FLT1: variants seen among roughly 807,000 people sequenced by gnomAD.
FLT1 encodes fms related receptor tyrosine kinase 1, also known as vascular endothelial growth factor receptor 1.
A neutral mutation model predicts 156.3 loss-of-function variants in FLT1; 49 were observed. That is an observed-to-expected ratio of 0.31 (90% CI 0.25 to 0.40). FLT1 has a LOEUF of 0.40. Among genes scored for constraint, FLT1 ranks in the 10% least tolerant of loss-of-function variants. The pLI, the probability that FLT1 is intolerant of heterozygous loss-of-function variation, is 1.00. For missense variants in FLT1, 1,322 were observed against 1,637.2 expected (o/e 0.81, Z 3.32); for synonymous variants, 594 against 583.8 (o/e 1.02, Z -0.25).
At chr13:28,317,385 C>T in intron 25 of FLT1, 113 bp downstream of exon 25, 1 of 783,836 alleles carries the variant, frequency 1.3e-6, no homozygotes, top group South Asian at 1.4e-5. Flanking sequence ...GAAAGAAGAA[C>T]CTTGGCATCT....
intron 14 of FLT1, among the ~76,000 whole-genome samples, chr13:28,378,369 A>G (rs1406277149): frequency 3.3e-5 from 5 of 152,198 alleles, no homozygotes; most frequent in Non-Finnish European, 7.3e-5. Context: ...TTAAGGGCTG[A>G]GAATGAGCAG....
intron 3 of FLT1, among the ~76,000 whole-genome samples, chr13:28,454,206 C>T (rs147454107): frequency 2.0e-3 from 308 of 152,274 alleles, no homozygotes; most frequent in Non-Finnish European, 3.6e-3. Flanking sequence ...GTGTCCAGCA[C>T]GGTGTTTTTC....
intron 14 of FLT1, chr13:28,368,579 TATGATGATGATG>T: frequency 1.3e-6 from 2 of 1,494,596 alleles, no homozygotes; most frequent in Non-Finnish European, 1.8e-6. Flanking sequence ...TGATGATAGC[TATGATGATGATG>T]ATGATGACGA....
intron 3 of FLT1, among the ~76,000 whole-genome samples, chr13:28,456,959 A>C (rs1295418558): frequency 1.3e-5 from 2 of 152,212 alleles, no homozygotes; most frequent in East Asian, 1.9e-4. Context: ...AATCCATAGA[A>C]TGTCCAACAC....
At chr13:28,436,106 A>T (rs1382868404) in intron 4 of FLT1, among the ~76,000 whole-genome samples, 1 of 152,228 alleles carries the variant, frequency 6.6e-6, no homozygotes, top group Non-Finnish European at 1.5e-5. Context: ...TGTTAGTAGC[A>T]TTCCATTGAC....
Position 28,465,727 on chromosome 13 carries a change from T to C in FLT1, c.388+1176A>G, listed in dbSNP as rs528106181. ...GAGTGGTGGCAGACGCCTGTAATCC[T>C]AGCTACGCAGGAGGCTGAGGCAGGA... On this transcript the variant is annotated intron_variant, in intron 3 of 29. Transcript: ENST00000282397. Among the ~76,000 whole-genome samples, 152 of 152,198 alleles carry C rather than the reference T, an allele frequency of 1.0e-3. 1 individual carries two copies. Among genetic ancestry groups the C allele is most frequent in the African/African-American group, 3.5e-3 (146 of 41,528 alleles).
intron 11 of FLT1, among the ~76,000 whole-genome samples, chr13:28,401,129 G>A (rs1432299580): frequency 6.6e-6 from 1 of 152,136 alleles, no homozygotes; most frequent in Non-Finnish European, 1.5e-5. Context: ...GGGAGGTTGA[G>A]GCAGGAGAAT....
chr13:28,303,464 A>G, intron 29 of FLT1, 96 bp from the exon 30 acceptor site: 1 of 1,062,204 alleles, frequency 9.4e-7, no homozygotes, highest in Non-Finnish European at 1.4e-6. Context: ...TCATTTGTTC[A>G]TACCTGTCTA....
chr13:28,324,743 C>T (rs1373624908), intron 20 of FLT1, among the ~76,000 whole-genome samples: 1 of 152,186 alleles, frequency 6.6e-6, no homozygotes, highest in African/African-American at 2.4e-5. Flanking sequence ...CAGGCTCACT[C>T]AGGGCTCTGC....
At chr13:28,342,075 G>A (rs977757554) in intron 16 of FLT1, among the ~76,000 whole-genome samples, 5 of 152,020 alleles carry the variant, frequency 3.3e-5, no homozygotes, top group Admixed American at 6.6e-5. Context: ...TAGAGACAGG[G>A]TTTCACCATG....
At chr13:28,384,240 C>T (rs1188496542) in intron 14 of FLT1, among the ~76,000 whole-genome samples, 1 of 152,030 alleles carries the variant, frequency 6.6e-6, no homozygotes, top group African/African-American at 2.4e-5. Context: ...TTGAGACCAG[C>T]CTGGCCAACA....
chr13:28,412,156 T>C (rs1178021832), intron 10 of FLT1, among the ~76,000 whole-genome samples: 1 of 152,164 alleles, frequency 6.6e-6, no homozygotes, highest in Non-Finnish European at 1.5e-5. Context: ...CTGGCCCCCA[T>C]TATGGCGGCC....
chr13:28,479,323 TAAACAATTTG>T (rs1339867117), intron 1 of FLT1, among the ~76,000 whole-genome samples: 2 of 152,202 alleles, frequency 1.3e-5, no homozygotes, highest in Non-Finnish European at 2.9e-5. Context: ...CCTTCTAAGT[TAAACAATTTG>T]AAATATAATT....
Position 28,300,668 on chromosome 13 carries a change from C to T in FLT1, c.*2499G>A, listed in dbSNP as rs562241602. The T allele has an allele frequency of 2.1e-5, 5 of 232,762 alleles. No individual in the cohort carries two copies. The East Asian group carries it at 2.4e-4, about 11-fold the overall frequency. The allele number at this position is 232,762 out of a possible 1,614,324, so 14.4% of individuals were successfully genotyped here. A position where few individuals can be genotyped will look rare whatever the true frequency, so the allele number is the denominator to read the frequency against. ...TTCTTGTGGGCTAGGAAACAAGGCA[C>T]GGGTCCCTAAAATTAACATCTCGGT... is the stretch of plus-strand genomic sequence containing the variant. On this transcript the variant is annotated 3_prime_UTR_variant, in exon 30 of 30. Coordinates refer to ENST00000282397, the MANE Select transcript of FLT1 (RefSeq NM_002019.4).
At chr13:28,359,821 C>T (rs796291264) in intron 14 of FLT1, among the ~76,000 whole-genome samples, 3 of 152,112 alleles carry the variant, frequency 2.0e-5, no homozygotes, top group African/African-American at 7.2e-5. Context: ...TAAATCAAAA[C>T]CAAATGAGGC....
Position 28,368,750 on chromosome 13 carries a change from G to A in FLT1, c.2117-11065C>T. On this transcript the variant is annotated intron_variant, in intron 14 of 29. Transcript: ENST00000282397. ...ACAGAGTTTTGCTCTTGTTGCCCAG[G>A]CTGGAGTGCAATGGTGCAATCTCTG... The A allele has an allele frequency of 4.5e-6, 3 of 670,532 alleles. No homozygotes were observed. The East Asian group carries it at 8.1e-5, about 18-fold the overall frequency. The allele number at this position is 670,532 out of a possible 1,614,324, so 41.5% of individuals were successfully genotyped here.
At chr13:28,480,180 G>T (rs1290444745) in intron 1 of FLT1, among the ~76,000 whole-genome samples, 16 of 152,192 alleles carry the variant, frequency 1.1e-4, no homozygotes, top group Admixed American at 9.8e-4. Flanking sequence ...ACCAATCCTG[G>T]TTTTTCCCCT....
At chr13:28,398,778 C>T (rs975733544) in intron 11 of FLT1, among the ~76,000 whole-genome samples, 19 of 152,310 alleles carry the variant, frequency 1.2e-4, no homozygotes, top group Admixed American at 1.2e-3. Flanking sequence ...GTAAGAGAGA[C>T]AGAGATGAAT....
chr13:28,351,398 G>C (rs1187138824), intron 15 of FLT1, among the ~76,000 whole-genome samples: 1 of 152,174 alleles, frequency 6.6e-6, no homozygotes, highest in East Asian at 1.9e-4. Flanking sequence ...AAATTACTCA[G>C]ATGCACTTTG....
Sources: allele counts gnomAD v4.1 joint callset (sites outside exome capture counted in the v4.1 genomes callset), GRCh38; gene constraint gnomAD v4.1.1; transcripts MANE v1.5; gene names NCBI Gene and HGNC (gene_info 2026-07-23, HGNC 2026-07-21).